Variants in SEC14L1 observed in about 807,000 individuals in gnomAD.
SEC14L1 encodes the protein SEC14 like lipid binding 1, also known as SEC14-like protein 1.
In SEC14L1, 48 loss-of-function variants were observed where a neutral mutation model predicts 85.3. The ratio of observed to expected loss-of-function variants is 0.56; its 90% CI spans 0.45 to 0.72. SEC14L1 has a LOEUF of 0.72. SEC14L1 is among the 30% of genes least tolerant of loss of function. SEC14L1 has a pLI of 0.00. For synonymous variants in SEC14L1, 391 were observed against 355.5 expected (o/e 1.10, Z -1.12); for missense variants, 682 against 921.4 (o/e 0.74, Z 3.36).
At chr17:77,177,393 A>G (rs1358037941) in intron 3 of SEC14L1, among the ~76,000 whole-genome samples, 3 of 150,062 alleles carry the variant, frequency 2.0e-5, no homozygotes, top group African/African-American at 7.4e-5. Context: ...CAGGCATACT[A>G]GATTATACTT....
intron 3 of SEC14L1, among the ~76,000 whole-genome samples, chr17:77,124,735 A>G (rs976159543): frequency 6.6e-6 from 1 of 152,158 alleles, no homozygotes; most frequent in African/African-American, 2.4e-5. Context: ...GAGGCAGCTC[A>G]GGTTTACTGA....
At chr17:77,183,298 G>A (rs1049871001) in intron 3 of SEC14L1, among the ~76,000 whole-genome samples, 1 of 152,248 alleles carries the variant, frequency 6.6e-6, no homozygotes, top group African/African-American at 2.4e-5. Flanking sequence ...GTGAACACCT[G>A]TATGCATGTC....
intron 5 of SEC14L1, 107 bp from the exon 6 acceptor site, chr17:77,193,314 G>A (rs769735196): frequency 2.3e-4 from 250 of 1,070,388 alleles, no homozygotes; most frequent in Non-Finnish European, 2.5e-4. Flanking sequence ...TAGTAGCATT[G>A]TTAGTAACGT....
intron 3 of SEC14L1, among the ~76,000 whole-genome samples, chr17:77,153,733 G>T (rs1973676375): frequency 6.6e-6 from 1 of 152,090 alleles, no homozygotes; most frequent in Non-Finnish European, 1.5e-5. Context: ...GTCAGTCCTT[G>T]CCCTCTTCTG....
chr17:77,105,071 CTTT>C (rs372569300), intron 3 of SEC14L1, among the ~76,000 whole-genome samples: 2 of 152,066 alleles, frequency 1.3e-5, no homozygotes, highest in African/African-American at 4.8e-5. Context: ...CGGTTTCATT[CTTT>C]TGAGTTTCTG....
chr17:77,089,465 G>C (rs1971453103), intron 2 of SEC14L1: 1 of 518,796 alleles, frequency 1.9e-6, no homozygotes, highest in African/African-American at 1.9e-5. Context: ...GCAGCAGTTT[G>C]ATGATCATGT....
chr17:77,147,976 A>G (rs1020351915), intron 3 of SEC14L1, among the ~76,000 whole-genome samples: 3 of 152,214 alleles, frequency 2.0e-5, no homozygotes, highest in African/African-American at 7.2e-5. Flanking sequence ...AAAGGGTTTA[A>G]GATCTCACGG....
At chr17:77,186,346 C>T (rs574784406) in intron 3 of SEC14L1, among the ~76,000 whole-genome samples, 17 of 152,340 alleles carry the variant, frequency 1.1e-4, no homozygotes, top group East Asian at 7.7e-4. Flanking sequence ...AAACGCTCTC[C>T]GCCTCGCTGG....
At position 77,135,129 on chromosome 17, in the gene SEC14L1, A is replaced by G. The variant is rs553520838; in HGVS notation, c.-135-7517A>G. 3.5e-4 allele frequency among the ~76,000 whole-genome samples: 54 copies of G among 152,230 alleles called. 1 individual carries two copies. In the South Asian group the frequency reaches 0.011, roughly 30 times the overall value. On this transcript the variant is annotated intron_variant, in intron 3 of 19. Coordinates refer to the SEC14L1 transcript ENST00000392476. ...GTTCTGTTACCCATCTTTTGGCTCTATTGACCCCATACCACTTGACACTGT... is the reference window on the plus strand; with the variant it reads ...GTTCTGTTACCCATCTTTTGGCTCTGTTGACCCCATACCACTTGACACTGT...
rs144559197 is a variant in SEC14L1 at position 77,128,389 on chromosome 17, C to CATTTTATTTT, written c.-135-14198_-135-14189dup. ...GACAAGTTATGCATTCACACTTGAGCATTTTATTTTATTTTATTTTATTTT... is the reference window on the plus strand; with the variant it reads ...GACAAGTTATGCATTCACACTTGAGCATTTTATTTTATTTTATTTTATTTTATTTTATTTT... On this transcript the variant is annotated intron_variant, in intron 3 of 19. Transcript: ENST00000392476. 4.6e-3 allele frequency among the ~76,000 whole-genome samples: 595 copies of CATTTTATTTT among 129,976 alleles called. 5 individuals carry two copies. The highest frequency in any genetic ancestry group is 0.017 in the Admixed American group (213 of 12,514). The allele number at this position is 129,976 out of a possible 152,430, so 85.3% of individuals were successfully genotyped here.
intron 13 of SEC14L1, among the ~76,000 whole-genome samples, chr17:77,207,819 A>G (rs1368467231): frequency 6.6e-6 from 1 of 152,184 alleles, no homozygotes; most frequent in Non-Finnish European, 1.5e-5. Context: ...GGTTTTTAAT[A>G]TACTGAGTTG....
intron 3 of SEC14L1, among the ~76,000 whole-genome samples, chr17:77,160,723 CTTTTAT>C (rs1974018880): frequency 6.6e-6 from 1 of 152,094 alleles, no homozygotes; most frequent in African/African-American, 2.4e-5. Context: ...TGTCTTTGTA[CTTTTAT>C]TTTGATAATC....
chr17:77,133,280 A>G (rs1488905559), intron 3 of SEC14L1, among the ~76,000 whole-genome samples: 1 of 152,200 alleles, frequency 6.6e-6, no homozygotes, highest in Non-Finnish European at 1.5e-5. Flanking sequence ...GCTAAGAGCA[A>G]TGGAGAAGAT....
intron 3 of SEC14L1, among the ~76,000 whole-genome samples, chr17:77,124,887 TC>T (rs1972396415): frequency 6.6e-6 from 1 of 152,098 alleles, no homozygotes; most frequent in Non-Finnish European, 1.5e-5. Context: ...TCTGATGTCT[TC>T]CATCAGAGAA....
intron 3 of SEC14L1, among the ~76,000 whole-genome samples, chr17:77,100,160 C>T (rs1567868078): frequency 6.6e-6 from 1 of 152,204 alleles, no homozygotes; most frequent in Non-Finnish European, 1.5e-5. Flanking sequence ...GGGTCCTCGC[C>T]TGTTGACTTT....
intron 3 of SEC14L1, among the ~76,000 whole-genome samples, chr17:77,118,765 G>A (rs1972234307): frequency 6.6e-6 from 1 of 152,188 alleles, no homozygotes; most frequent in African/African-American, 2.4e-5. Flanking sequence ...CCTAGAAGCT[G>A]CTGTCAATCA....
intron 3 of SEC14L1, among the ~76,000 whole-genome samples, chr17:77,098,219 C>T (rs1458212931): frequency 6.6e-6 from 1 of 152,208 alleles, no homozygotes; most frequent in Non-Finnish European, 1.5e-5. Flanking sequence ...CTGTTCTAGG[C>T]CCGGTGCAGT....
At chr17:77,133,219 G>A (rs1234114286) in intron 3 of SEC14L1, among the ~76,000 whole-genome samples, 1 of 152,168 alleles carries the variant, frequency 6.6e-6, no homozygotes, top group Non-Finnish European at 1.5e-5. Context: ...TGTTATGGTA[G>A]AGAAGAGGTT....
chr17:77,167,144 T>C (rs1053329427), intron 3 of SEC14L1, among the ~76,000 whole-genome samples: 1 of 132,810 alleles, frequency 7.5e-6, no homozygotes, highest in African/African-American at 3.2e-5. Flanking sequence ...CTTTTCTTTT[T>C]CCTTTTTTTT....
Sources: gnomAD v4.1 joint callset for allele counts (sites outside exome capture counted in the v4.1 genomes callset) on GRCh38, gnomAD v4.1.1 for gene constraint, MANE v1.5 for transcripts, NCBI Gene and HGNC (gene_info 2026-07-23, HGNC 2026-07-21) for gene names.